Variants in PABPC4L observed in about 807,000 individuals in gnomAD.
PABPC4L encodes poly(A) binding protein cytoplasmic 4 like, also known as polyadenylate-binding protein 4-like.
For synonymous variants in PABPC4L, 169 were observed against 164.1 expected, an observed-to-expected ratio of 1.03 and a Z score of -0.23; for missense variants, 452 against 451.4, an observed-to-expected ratio of 1.00 and a Z score of -0.01.
chr4:133,952,124 T>C, the PABPC4L span, among the ~76,000 whole-genome samples: 1 of 152,152 alleles, frequency 6.6e-6, no homozygotes, highest in Non-Finnish European at 1.5e-5. Context: ...AATTAGAAGA[T>C]TATCCACATA....
At chr4:134,154,707 C>T in the PABPC4L span, among the ~76,000 whole-genome samples, 5 of 151,598 alleles carry the variant, frequency 3.3e-5, no homozygotes, top group Non-Finnish European at 2.9e-5. Context: ...ATAAAAGAAA[C>T]CTTGCTCATT....
the PABPC4L span, among the ~76,000 whole-genome samples, chr4:134,020,103 C>G: frequency 1.3e-5 from 2 of 152,078 alleles, no homozygotes; most frequent in African/African-American, 4.8e-5. Flanking sequence ...GGAAAGGAGT[C>G]CCTACCCAGA....
the PABPC4L span, among the ~76,000 whole-genome samples, chr4:134,145,069 T>G: frequency 4.6e-5 from 7 of 151,814 alleles, no homozygotes; most frequent in South Asian, 1.4e-3. Context: ...AGTAAATTGC[T>G]TGGTCTTTCC....
chr4:134,153,915 C>T, the PABPC4L span, among the ~76,000 whole-genome samples: 1 of 137,780 alleles, frequency 7.3e-6, no homozygotes, highest in Admixed American at 8.3e-5. Flanking sequence ...TTAAAGGCTA[C>T]ATAGCTAAGA....
chr4:134,032,832 AC>A, the PABPC4L span, among the ~76,000 whole-genome samples: 530 of 151,890 alleles, frequency 3.5e-3, 15 homozygotes, highest in East Asian at 0.089. Flanking sequence ...CAAAGATAAT[AC>A]TTACTTTATT....
At chr4:134,101,691 C>CT in the PABPC4L span, among the ~76,000 whole-genome samples, 1 of 151,478 alleles carries the variant, frequency 6.6e-6, no homozygotes, top group African/African-American at 2.4e-5. Context: ...ACAGTAGCCT[C>CT]TTTCGTGACA....
chr4:134,054,902 T>C, the PABPC4L span, among the ~76,000 whole-genome samples: 1 of 152,086 alleles, frequency 6.6e-6, no homozygotes, highest in Non-Finnish European at 1.5e-5. Context: ...ATTCAATTGC[T>C]GGATTGTATG....
chr4:134,146,638 G>A, the PABPC4L span, among the ~76,000 whole-genome samples: 1 of 152,050 alleles, frequency 6.6e-6, no homozygotes, highest in Non-Finnish European at 1.5e-5. Context: ...GAGTGAGTAA[G>A]GCAGAGTAGA....
the PABPC4L span, among the ~76,000 whole-genome samples, chr4:133,973,371 G>GAAA: frequency 6.9e-6 from 1 of 144,126 alleles, no homozygotes. Context: ...AAGAGCATAG[G>GAAA]AAAAAAAAAA....
At chr4:134,018,345 G>A in the PABPC4L span, among the ~76,000 whole-genome samples, 13 of 152,244 alleles carry the variant, frequency 8.5e-5, no homozygotes, top group South Asian at 2.5e-3. Flanking sequence ...CTCACACAAA[G>A]CCTGTTTGGT....
the PABPC4L span, among the ~76,000 whole-genome samples, chr4:134,182,621 A>G: frequency 6.6e-6 from 1 of 152,050 alleles, no homozygotes; most frequent in Non-Finnish European, 1.5e-5. Context: ...TAAACTAAAG[A>G]GTTTTTGCAC....
chr4:134,158,728 TTTAC>T, the PABPC4L span, among the ~76,000 whole-genome samples: 1 of 152,096 alleles, frequency 6.6e-6, no homozygotes, highest in Non-Finnish European at 1.5e-5. Flanking sequence ...GTAGGTTGAT[TTTAC>T]TATGTACCAG....
At chr4:134,135,933 T>C in the PABPC4L span, among the ~76,000 whole-genome samples, 1 of 152,152 alleles carries the variant, frequency 6.6e-6, no homozygotes, top group Non-Finnish European at 1.5e-5. Flanking sequence ...GTATGGTTTT[T>C]ACCACTTTTT....
rs1454645006 is a variant in PABPC4L at position 134,198,467 on chromosome 4, C to T, written c.*1440G>A. ...TTCTCATTCATAAGCTGAGGTATTGCCAAAAAATATTTTACTATTTCTTTT... is the reference window on the plus strand; with the variant it reads ...TTCTCATTCATAAGCTGAGGTATTGTCAAAAAATATTTTACTATTTCTTTT... On this transcript the variant is annotated 3_prime_UTR_variant, in exon 2 of 2. Transcript: ENST00000421491. 1 of 150,668 alleles carries T rather than the reference C, an allele frequency of 6.6e-6. No individual in the cohort carries two copies. Among genetic ancestry groups the T allele is most frequent in the East Asian group, 1.9e-4 (1 of 5,170 alleles). The allele number at this position is 150,668 out of a possible 1,614,324, so 9.3% of individuals were successfully genotyped here.
At chr4:134,064,753 C>T in the PABPC4L span, among the ~76,000 whole-genome samples, 98 of 152,064 alleles carry the variant, frequency 6.4e-4, no homozygotes, top group Middle Eastern at 6.8e-3. Flanking sequence ...ACTTCTCATA[C>T]CCTCCACCCT....
the PABPC4L span, among the ~76,000 whole-genome samples, chr4:134,081,618 A>C: frequency 6.6e-6 from 1 of 152,026 alleles, no homozygotes. Flanking sequence ...TTGGGTTCAA[A>C]CCTGCTGTGA....
chr4:133,978,462 A>T, the PABPC4L span, among the ~76,000 whole-genome samples: 1 of 151,984 alleles, frequency 6.6e-6, no homozygotes, highest in African/African-American at 2.4e-5. Flanking sequence ...AATAATAACG[A>T]CAAAATAGCT....
the PABPC4L span, among the ~76,000 whole-genome samples, chr4:134,069,751 T>C: frequency 2.0e-5 from 3 of 152,148 alleles, no homozygotes; most frequent in Non-Finnish European, 4.4e-5. Context: ...ATCCTTGCGT[T>C]GGGATTTGGC....
chr4:134,147,778 TAGA>T, the PABPC4L span, among the ~76,000 whole-genome samples: 4 of 151,346 alleles, frequency 2.6e-5, no homozygotes, highest in African/African-American at 9.7e-5. Flanking sequence ...TGTTTTTTCC[TAGA>T]AGAAGATGTT....
Sources: gnomAD v4.1 joint callset for allele counts (sites outside exome capture counted in the v4.1 genomes callset) on GRCh38, gnomAD v4.1.1 for gene constraint, MANE v1.5 for transcripts, NCBI Gene and HGNC (gene_info 2026-07-23, HGNC 2026-07-21) for gene names.